The following CYP4F3 variants were observed in gnomAD, a reference collection of about 807,000 sequenced individuals.
CYP4F3 encodes cytochrome P450 family 4 subfamily F member 3.
A neutral mutation model predicts 54.8 loss-of-function variants in CYP4F3; 50 were observed. The observed-to-expected ratio is 0.91, with a 90% confidence interval of 0.73 to 1.16. CYP4F3 has a LOEUF of 1.16. CYP4F3 is among the 50% of genes most tolerant of loss of function. The pLI, the probability that CYP4F3 is intolerant of heterozygous loss-of-function variation, is 0.00. For synonymous variants in CYP4F3, 244 were observed against 262.6 expected (o/e 0.93, Z 0.69); for missense variants, 715 against 676.2 (o/e 1.06, Z -0.64).
intron 7 of CYP4F3, among the ~76,000 whole-genome samples, 179 bp from the exon 8 acceptor site, chr19:15,652,390 C>G (rs1048937667): frequency 3.3e-5 from 5 of 152,152 alleles, no homozygotes; most frequent in African/African-American, 1.2e-4. Context: ...AGGGAGGAAG[C>G]CCATGGGGTT....
chr19:15,654,878 C>T (rs1599907762), intron 9 of CYP4F3, among the ~76,000 whole-genome samples: 3 of 152,126 alleles, frequency 2.0e-5, no homozygotes, highest in Admixed American at 6.6e-5. Flanking sequence ...AATTTCTTCT[C>T]TTTCTTTTCA....
chr19:15,652,549 G>C lies in CYP4F3; in HGVS notation c.919-20G>C. The stretch of plus-strand genomic sequence containing the variant: ...ACTTTTTATGGGGGTGGGGGTGGGG[G>C]GTTATTGCCTTCTCTCCAGGATGAA... On this transcript the variant is annotated intron_variant, in intron 7 of 12. Coordinates refer to ENST00000221307, the MANE Select transcript of CYP4F3 (RefSeq NM_000896.3). The C allele has an allele frequency of 1.2e-6, 2 of 1,612,834 alleles. No individual in the cohort carries two copies. The highest frequency in any genetic ancestry group is 1.7e-6 in the Non-Finnish European group (2 of 1,179,726).
At chr19:15,656,290 A>G (rs988633940) in intron 9 of CYP4F3, among the ~76,000 whole-genome samples, 2 of 151,280 alleles carry the variant, frequency 1.3e-5, no homozygotes, top group African/African-American at 4.9e-5. Flanking sequence ...TTGTGTATAT[A>G]TATATATATA....
At position 15,641,459 on chromosome 19, in the gene CYP4F3, C is replaced by T. The variant is rs1972460119; in HGVS notation, c.44C>T (p.Ala15Val). 1 of 1,614,100 alleles carries T rather than the reference C, an allele frequency of 6.2e-7. No individual in the cohort carries two copies. Among genetic ancestry groups the T allele is most frequent in the African/African-American group, 1.3e-5 (1 of 74,936 alleles). Residue 15 changes from alanine to valine, a missense_variant, in exon 2 of 13, where the codon GCA (alanine) becomes GTA (valine). Transcript: ENST00000221307. ...SLSSLGLWPM[A>V]ASPWLLLLLV... ...TCCTCGCTGGGCCTTTGGCCAATGG[C>T]AGCATCCCCGTGGCTGCTCCTGCTG...
chr19:15,650,810 CT>C lies in CYP4F3; in HGVS notation c.918+630del, dbSNP rs1404960338. On this transcript the variant is annotated intron_variant, in intron 7 of 12. Coordinates refer to ENST00000221307, the MANE Select transcript of CYP4F3 (RefSeq NM_000896.3). ...TTCTTTCTTTCTTTCTCTCTCTTCT[CT>C]TTCTTTCTTTCTTTCTTTCTTTCTT... Among the ~76,000 whole-genome samples the C allele has an allele frequency of 3.5e-4, 7 of 20,102 alleles. 2 individuals carry two copies. The highest frequency in any genetic ancestry group is 2.9e-3 in the Admixed American group (5 of 1,722). The allele number at this position is 20,102 out of a possible 152,430, so 13.2% of individuals were successfully genotyped here. A position where few individuals can be genotyped will look rare whatever the true frequency, so the allele number is the denominator to read the frequency against.
At chr19:15,643,425 G>C (rs563705438) in intron 2 of CYP4F3, among the ~76,000 whole-genome samples, 2 of 151,554 alleles carry the variant, frequency 1.3e-5, no homozygotes. Context: ...TAGATAGATA[G>C]ATAGATAGAT....
intron 3 of CYP4F3, 136 bp downstream of exon 3, chr19:15,645,999 T>G (rs1972615280): frequency 7.9e-7 from 1 of 1,264,994 alleles, no homozygotes; most frequent in Non-Finnish European, 1.1e-6. Flanking sequence ...ATGCCACTGC[T>G]TCCATCTCCC....
intron 9 of CYP4F3, among the ~76,000 whole-genome samples, chr19:15,656,995 A>G (rs1973044542): frequency 6.6e-6 from 1 of 152,170 alleles, no homozygotes; most frequent in Non-Finnish European, 1.5e-5. Context: ...ATTTTCAATT[A>G]TAGTCAATAT....
intron 9 of CYP4F3, among the ~76,000 whole-genome samples, chr19:15,655,254 C>T (rs1243806284): frequency 6.6e-6 from 1 of 152,108 alleles, no homozygotes; most frequent in Non-Finnish European, 1.5e-5. Context: ...GTTTGAGCTG[C>T]TTATGTATTC....
In CYP4F3 at chr19:15,647,288, T is replaced by C. The variant is rs1313302524; in HGVS notation, c.489T>C (p.Tyr163=). ...TCCATTTCAACATCCTGAAGCCCTA[T>C]ATGAAGATTTTCAATGAGAGTGTGA... ...PAFHFNILKP[Y]MKIFNESVNI... Residue 163 remains tyrosine, a synonymous_variant, in exon 5 of 13, where the codon TAT becomes TAC. Transcript: ENST00000221307. The C allele has an allele frequency of 1.2e-6, 2 of 1,614,206 alleles. No individual in the cohort carries two copies. The highest frequency in any genetic ancestry group is 1.7e-6 in the Non-Finnish European group (2 of 1,180,038).
chr19:15,650,664 C>CTTTCTTTCTTTCTT (rs1972772702), intron 7 of CYP4F3, among the ~76,000 whole-genome samples: 2 of 18,084 alleles, frequency 1.1e-4, no homozygotes, highest in Admixed American at 1.2e-3. Context: ...CCTTCTTTTT[C>CTTTCTTTCTTTCTT]TTTCTTTCTT....
intron 2 of CYP4F3, among the ~76,000 whole-genome samples, chr19:15,643,027 T>C (rs992294397): frequency 4.0e-5 from 6 of 150,396 alleles, no homozygotes; most frequent in African/African-American, 1.5e-4. Context: ...GATAGCTAGA[T>C]GATTGATAGA....
intron 2 of CYP4F3, among the ~76,000 whole-genome samples, chr19:15,642,679 C>G (rs910940844): frequency 6.6e-6 from 1 of 152,154 alleles, no homozygotes; most frequent in Non-Finnish European, 1.5e-5. Context: ...CCTTGGGATG[C>G]GCTCTTGGGA....
In CYP4F3 at chr19:15,649,361, G is replaced by A. The variant is rs1972720712; in HGVS notation, c.647+80G>A. 1.6e-5 allele frequency: 26 copies of A among 1,602,414 alleles called. No homozygotes were observed. In the South Asian group the frequency reaches 2.6e-4, roughly 16 times the overall value. On this transcript the variant is annotated intron_variant, in intron 6 of 12. Coordinates refer to ENST00000221307, the MANE Select transcript of CYP4F3 (RefSeq NM_000896.3). ...TGGGGGGCTGGGGAGGACTGAGCAG[G>A]GAAATCAGACAAACCTTCTTGGAGG...
At chr19:15,645,154 G>A (rs1274931531) in intron 2 of CYP4F3, among the ~76,000 whole-genome samples, 1 of 152,144 alleles carries the variant, frequency 6.6e-6, no homozygotes, top group Non-Finnish European at 1.5e-5. Context: ...TCAACAATGA[G>A]TCCTAGAAGC....
chr19:15,641,421 A>G lies in CYP4F3; in HGVS notation c.6A>G (p.Pro2=), dbSNP rs376075149. The change falls in exon 2 of 13, where the codon CCA becomes CCG. Residue 2 remains proline, a synonymous_variant. Transcript: ENST00000221307. M[P]QLSLSSLGLW... Reference sequence around the variant, plus strand: ...CACCCCATCTGCCCTGCAGGATGCCACAGCTGAGCCTGTCCTCGCTGGGCC... The same window carrying G: ...CACCCCATCTGCCCTGCAGGATGCCGCAGCTGAGCCTGTCCTCGCTGGGCC... The G allele has an allele frequency of 3.8e-5, 62 of 1,613,938 alleles. No individual in the cohort carries two copies. The highest frequency in any genetic ancestry group is 1.2e-4 in the African/African-American group (9 of 74,904).
At chr19:15,643,807 C>T in intron 2 of CYP4F3, 1 of 1,344,744 alleles carries the variant, frequency 7.4e-7, no homozygotes, top group Non-Finnish European at 9.6e-7. Context: ...GAAACACCCT[C>T]ACAGACGGAT....
chr19:15,651,811 C>T (rs1972864722), intron 7 of CYP4F3, among the ~76,000 whole-genome samples: 1 of 152,048 alleles, frequency 6.6e-6, no homozygotes, highest in South Asian at 2.1e-4. Flanking sequence ...GTTTCTGTGT[C>T]TATGTCTGTG....
chr19:15,647,304 G>A lies in CYP4F3; in HGVS notation c.505G>A (p.Glu169Lys). The A allele has an allele frequency of 6.2e-7, 1 of 1,614,218 alleles. No individual in the cohort carries two copies. Among genetic ancestry groups the A allele is most frequent in the Non-Finnish European group, 8.5e-7 (1 of 1,180,048 alleles). Residue 169 changes from glutamate (E) to lysine (K), a missense_variant, in exon 5 of 13, where the codon GAG becomes AAG. By Grantham distance (56) the Glu-to-Lys change is moderately conservative (BLOSUM62 1). Coordinates refer to ENST00000221307, the MANE Select transcript of CYP4F3 (RefSeq NM_000896.3). ...GAAGCCCTATATGAAGATTTTCAATGAGAGTGTGAACATCATGCATGTGAG... is the reference window on the plus strand; with the variant it reads ...GAAGCCCTATATGAAGATTTTCAATAAGAGTGTGAACATCATGCATGTGAG... ...ILKPYMKIFN[E>K]SVNIMHAKWQ...
Sources: allele counts gnomAD v4.1 joint callset (sites outside exome capture counted in the v4.1 genomes callset), GRCh38; gene constraint gnomAD v4.1.1; transcripts MANE v1.5; gene names NCBI Gene and HGNC (gene_info 2026-07-23, HGNC 2026-07-21).